Variants in PARD3 observed in about 807,000 individuals in gnomAD.
PARD3 encodes par-3 family cell polarity regulator, also known as partitioning defective 3 homolog.
A neutral mutation model predicts 155.4 loss-of-function variants in PARD3; 75 were observed. That is an observed-to-expected ratio of 0.48 (90% CI 0.40 to 0.58). PARD3 has a LOEUF of 0.58. Among genes scored for constraint, PARD3 ranks in the 20% least tolerant of loss-of-function variants. PARD3 has a pLI of 0.00. For synonymous variants in PARD3, 576 were observed against 610.5 expected (o/e 0.94, Z 0.83); for missense variants, 1,642 against 1,721.7 (o/e 0.95, Z 0.82).
rs146083821 is a variant in PARD3 at position 34,416,794 on chromosome 10, TA to T, written c.715-14878del. 1.9e-3 allele frequency among the ~76,000 whole-genome samples: 294 copies of T among 152,268 alleles called. 3 individuals carry two copies. Among genetic ancestry groups the T allele is most frequent in the African/African-American group, 6.8e-3 (281 of 41,566 alleles). ...TGAATTTTGTGACTTTAAATACCTT[TA>T]AAAAAGATTGTATCACAACATGAAC... On this transcript the variant is annotated intron_variant, in intron 5 of 24. Coordinates refer to ENST00000374788, the MANE Select transcript of PARD3 (RefSeq NM_001184785.2).
At chr10:34,354,474 A>G (rs914269918) in intron 14 of PARD3, among the ~76,000 whole-genome samples, 2 of 152,138 alleles carry the variant, frequency 1.3e-5, no homozygotes, top group Admixed American at 1.3e-4. Context: ...AAGGATACAC[A>G]GGAAAGTGGT....
At chr10:34,172,365 T>C (rs1301656225) in intron 22 of PARD3, among the ~76,000 whole-genome samples, 3 of 152,218 alleles carry the variant, frequency 2.0e-5, no homozygotes, top group African/African-American at 7.2e-5. Flanking sequence ...TAATGTGTCA[T>C]GCTCAGAGAA....
At chr10:34,190,104 T>C (rs1950642050) in intron 22 of PARD3, among the ~76,000 whole-genome samples, 1 of 152,220 alleles carries the variant, frequency 6.6e-6, no homozygotes, top group African/African-American at 2.4e-5. Context: ...GCAAGAGAGA[T>C]GAGCGGTTTT....
chr10:34,705,632 T>G (rs550913165), intron 1 of PARD3, among the ~76,000 whole-genome samples: 1 of 152,184 alleles, frequency 6.6e-6, no homozygotes, highest in East Asian at 1.9e-4. Context: ...TCAGATGTCA[T>G]AGCTGATGTT....
chr10:34,271,826 A>T (rs868843696), intron 21 of PARD3, among the ~76,000 whole-genome samples: 12 of 152,244 alleles, frequency 7.9e-5, no homozygotes, highest in Non-Finnish European at 1.5e-4. Context: ...AGAACTAAAA[A>T]GCAAGTTCAA....
At chr10:34,286,180 A>C (rs1956379638) in intron 20 of PARD3, among the ~76,000 whole-genome samples, 1 of 152,230 alleles carries the variant, frequency 6.6e-6, no homozygotes, top group African/African-American at 2.4e-5. Flanking sequence ...AATATTAAAA[A>C]CTGATACATC....
At chr10:34,229,753 C>T (rs931817248) in intron 22 of PARD3, among the ~76,000 whole-genome samples, 3 of 151,928 alleles carry the variant, frequency 2.0e-5, no homozygotes, top group African/African-American at 7.3e-5. Flanking sequence ...GTTTTCAGTA[C>T]ACCTAATCAA....
chr10:34,666,816 TACACACACAC>T (rs1554804682), intron 2 of PARD3, among the ~76,000 whole-genome samples: 43 of 88,796 alleles, frequency 4.8e-4, no homozygotes, highest in Middle Eastern at 7.1e-3. Flanking sequence ...TATATATATA[TACACACACAC>T]ACACACACAC....
chr10:34,701,409 AGAGGGAAAT>A (rs2094276681), intron 1 of PARD3, among the ~76,000 whole-genome samples: 1 of 152,040 alleles, frequency 6.6e-6, no homozygotes, highest in Admixed American at 6.6e-5. Context: ...CAAAGAGAAC[AGAGGGAAAT>A]GAGGGAAACA....
intron 2 of PARD3, among the ~76,000 whole-genome samples, chr10:34,657,972 C>T (rs1164173863): frequency 1.3e-5 from 2 of 152,016 alleles, no homozygotes; most frequent in African/African-American, 4.8e-5. Context: ...CAGTGAAACC[C>T]TGTCTCTACT....
chr10:34,603,955 G>A (rs892781668), intron 2 of PARD3, among the ~76,000 whole-genome samples: 1 of 152,110 alleles, frequency 6.6e-6, no homozygotes, highest in Non-Finnish European at 1.5e-5. Flanking sequence ...GGTCAAAGGT[G>A]TCTTCAGTCC....
intron 5 of PARD3, among the ~76,000 whole-genome samples, chr10:34,446,236 G>A (rs1399809502): frequency 2.6e-5 from 4 of 152,176 alleles, no homozygotes; most frequent in East Asian, 1.9e-4. Context: ...GAGTGAGGTT[G>A]CTAAGCTACA....
chr10:34,227,825 T>C (rs1952676712), intron 22 of PARD3, among the ~76,000 whole-genome samples: 1 of 136,310 alleles, frequency 7.3e-6, no homozygotes, highest in African/African-American at 2.8e-5. Context: ...TGGGAATATA[T>C]ATATATATTC....
At position 34,640,766 on chromosome 10, in the gene PARD3, C is replaced by T. The variant is rs112501304; in HGVS notation, c.222+55552G>A. Among the ~76,000 whole-genome samples the T allele has an allele frequency of 3.9e-3, 519 of 131,846 alleles. 1 individual carries two copies. The highest frequency in any genetic ancestry group is 0.013 in the African/African-American group (476 of 36,032). The allele number at this position is 131,846 out of a possible 152,430, so 86.5% of individuals were successfully genotyped here. On this transcript the variant is annotated intron_variant, in intron 2 of 24. Coordinates refer to ENST00000374788, the MANE Select transcript of PARD3 (RefSeq NM_001184785.2). ...TTTTAGGGAACACAATTTGACAACA[C>T]CTATCCAAACTTTAAATGCACACTC...
rs1449499534 is a variant in PARD3 at position 34,517,074 on chromosome 10, A to G, written c.308T>C (p.Ile103Thr). 3 of 1,614,194 alleles carry G rather than the reference A, an allele frequency of 1.9e-6. No homozygotes were observed. Among genetic ancestry groups the G allele is most frequent in the Non-Finnish European group, 2.5e-6 (3 of 1,180,020 alleles). ...ASSTGTQSPE[I>T]FGSELGTNNV... ...GTTGGTGCCAAGCTCACTACCAAATATCTCTGGGCTCTGGGTACCCGTGGA... is the reference window on the plus strand; with the variant it reads ...GTTGGTGCCAAGCTCACTACCAAATGTCTCTGGGCTCTGGGTACCCGTGGA... Residue 103 changes from isoleucine to threonine, a missense_variant, in exon 3 of 25, where the codon ATA (isoleucine) becomes ACA (threonine). Around this residue, in one of 3 missense-constraint regions of PARD3, gnomAD observed 1,529 missense variants for 1,587.3 expected, o/e 0.96. Coordinates refer to ENST00000374788, the MANE Select transcript of PARD3 (RefSeq NM_001184785.2).
At chr10:34,594,801 C>A (rs1441377785) in intron 2 of PARD3, among the ~76,000 whole-genome samples, 25 of 152,116 alleles carry the variant, frequency 1.6e-4, no homozygotes, top group Non-Finnish European at 1.5e-5. Context: ...GCACTCCAGG[C>A]TGGGCAAAAG....
At chr10:34,737,038 T>G (rs1270643571) in intron 1 of PARD3, among the ~76,000 whole-genome samples, 1 of 152,034 alleles carries the variant, frequency 6.6e-6, no homozygotes. Flanking sequence ...CTCCCTCCCC[T>G]TTTACGGTTG....
chr10:34,160,963 A>AAG (rs1949248906), intron 22 of PARD3, among the ~76,000 whole-genome samples: 1 of 152,202 alleles, frequency 6.6e-6, no homozygotes, highest in South Asian at 2.1e-4. Context: ...ATAGTTAGAA[A>AAG]AGAGACTCAA....
intron 4 of PARD3, among the ~76,000 whole-genome samples, chr10:34,464,984 T>TGTGG (rs2077913009): frequency 6.6e-6 from 1 of 152,202 alleles, no homozygotes; most frequent in African/African-American, 2.4e-5. Flanking sequence ...GTCTCTTACA[T>TGTGG]AAAATGGTGG....
Sources: allele counts gnomAD v4.1 joint callset (sites outside exome capture counted in the v4.1 genomes callset), GRCh38; gene constraint gnomAD v4.1.1; regional missense constraint gnomAD v4.1.1; transcripts MANE v1.5; gene names NCBI Gene and HGNC (gene_info 2026-07-23, HGNC 2026-07-21).